Variants in KTN1 observed in about 807,000 individuals in gnomAD.
KTN1 encodes kinectin 1.
In KTN1, 130 loss-of-function variants were observed where a neutral mutation model predicts 222.5. That is an observed-to-expected ratio of 0.58 (90% confidence interval 0.51 to 0.68). The LOEUF (loss-of-function observed/expected upper bound fraction) is 0.68, where lower values mean the gene tolerates loss of function less well. Ranked by LOEUF, KTN1 falls within the 30% of genes least tolerant of loss-of-function variation. KTN1 has a pLI of 0.00. For synonymous variants in KTN1, 512 were observed against 496.3 expected (o/e 1.03, Z -0.42); for missense variants, 1,508 against 1,500.4 (o/e 1.01, Z -0.08).
chr14:55,653,700 A>C, intron 28 of KTN1, 104 bp downstream of exon 28: 1 of 787,722 alleles, frequency 1.3e-6, no homozygotes, highest in Admixed American at 2.3e-5. Context: ...CATTAACTTT[A>C]TTGTTAAGTG....
chr14:55,585,783 G>A (rs1225820551), intron 1 of KTN1, among the ~76,000 whole-genome samples: 1 of 152,200 alleles, frequency 6.6e-6, no homozygotes, highest in Non-Finnish European at 1.5e-5. Flanking sequence ...TTTTTACAAA[G>A]GAGGAGAATG....
intron 43 of KTN1, chr14:55,681,651 CT>C (rs2141432682): frequency 6.6e-6 from 1 of 152,266 alleles, no homozygotes; most frequent in African/African-American, 2.4e-5. Context: ...GCACAACATT[CT>C]TTTGTCAGCT....
In KTN1 at chr14:55,659,668, ATCT is replaced by A. The variant is rs2043898761; in HGVS notation, c.2969_2971del (p.Ser990del). 6.7e-7 allele frequency: 1 copy of A among 1,499,906 alleles called. No individual in the cohort carries two copies. The allele number at this position is 1,499,906 out of a possible 1,614,324, so 92.9% of individuals were successfully genotyped here. On this transcript the variant is annotated inframe_deletion, in exon 31 of 44. Transcript: ENST00000395314. Reference sequence around the variant, plus strand: ...ATAACATTTAACTCTTTTGATAGGCATCTTCTTTTCCCCCTCATGAAGAATTAT... The same window carrying A: ...ATAACATTTAACTCTTTTGATAGGCATCTTTTCCCCCTCATGAAGAATTAT...
At chr14:55,594,297 C>G (rs1594737427) in intron 1 of KTN1, among the ~76,000 whole-genome samples, 1 of 152,042 alleles carries the variant, frequency 6.6e-6, no homozygotes, top group East Asian at 1.9e-4. Context: ...TTCCTTTGCA[C>G]AAATCTTTTA....
chr14:55,581,373 C>T (rs1015395488), intron 1 of KTN1, among the ~76,000 whole-genome samples: 2 of 152,180 alleles, frequency 1.3e-5, no homozygotes, highest in Non-Finnish European at 2.9e-5. Context: ...ACTGTGTTGG[C>T]AAACGGATTC....
At chr14:55,612,923 A>C (rs534535679) in intron 2 of KTN1, among the ~76,000 whole-genome samples, 189 of 151,976 alleles carry the variant, frequency 1.2e-3, no homozygotes, top group African/African-American at 4.4e-3. Flanking sequence ...AACCCCATAC[A>C]TCTTATAAAT....
At chr14:55,671,242 C>T in intron 35 of KTN1, 1 of 290,928 alleles carries the variant, frequency 3.4e-6, no homozygotes, top group Non-Finnish European at 6.3e-6. Flanking sequence ...TTTCTTGTAT[C>T]TCAAGTGGCA....
rs201246992 is a variant in KTN1 at position 55,648,146 on chromosome 14, T to C, written c.2298+31T>C. The C allele has an allele frequency of 1.8e-4, 217 of 1,187,080 alleles. 2 individuals are homozygous for C. In the Middle Eastern group the frequency reaches 2.9e-3, roughly 16 times the overall value. 73.5% of individuals were successfully genotyped at this position (1,187,080 alleles called of 1,614,324 possible). A position where few individuals can be genotyped will look rare whatever the true frequency, so the allele number is the denominator to read the frequency against. On this transcript the variant is annotated intron_variant, in intron 20 of 43. Transcript: ENST00000395314. ...GCATTTTGTAGTTTTGTTTTCCTTG[T>C]GATTATTCAGTGACATAAAAGGATT...
At position 55,641,122 on chromosome 14, in the gene KTN1, CAT is replaced by C. The variant is rs1286287362; in HGVS notation, c.2022-3_2022-2del. 10 of 1,568,436 alleles carry C rather than the reference CAT, an allele frequency of 6.4e-6. No individual in the cohort carries two copies. Among genetic ancestry groups the C allele is most frequent in the African/African-American group, 1.4e-5 (1 of 72,750 alleles). ...GTATTTTAATTTTTTTTTTCACCCT[CAT>C]AGTGTTTATGTTAAAGATGATAAAA... On this transcript the variant is annotated splice_region_variant and splice_polypyrimidine_tract_variant and intron_variant, in intron 16 of 43. Transcript: ENST00000395314.
chr14:55,649,404 G>T (rs780651170), intron 21 of KTN1, among the ~76,000 whole-genome samples: 33 of 152,152 alleles, frequency 2.2e-4, no homozygotes, highest in Non-Finnish European at 3.2e-4. Context: ...GGGTGCCATT[G>T]CCTCTTACTA....
intron 43 of KTN1, chr14:55,682,739 T>G (rs1299880319): frequency 6.6e-6 from 1 of 152,224 alleles, no homozygotes; most frequent in East Asian, 1.9e-4. Context: ...GGGGTTTAAA[T>G]CAAGGTAATT....
chr14:55,680,839 T>C, intron 43 of KTN1: 1 of 579,644 alleles, frequency 1.7e-6, no homozygotes, highest in South Asian at 1.6e-5. Flanking sequence ...TCTTTTATCC[T>C]TGGTAAGCTG....
chr14:55,606,229 G>A lies in KTN1; in HGVS notation c.-30-5790G>A, dbSNP rs933789290. ...CTCTTATAGGCTACTCTGGAAGCCTGTATATCTTAAAGGTGTATTCATTTA... is the reference window on the plus strand; with the variant it reads ...CTCTTATAGGCTACTCTGGAAGCCTATATATCTTAAAGGTGTATTCATTTA... On this transcript the variant is annotated intron_variant, in intron 1 of 43. Transcript: ENST00000395314. Among the ~76,000 whole-genome samples, 17 of 152,250 alleles carry A rather than the reference G, an allele frequency of 1.1e-4. No homozygotes were observed. In the East Asian group the frequency reaches 3.3e-3, roughly 29 times the overall value.
At chr14:55,580,754 G>A (rs77053821) in intron 1 of KTN1, among the ~76,000 whole-genome samples, 7 of 152,232 alleles carry the variant, frequency 4.6e-5, no homozygotes, top group Non-Finnish European at 7.4e-5. Flanking sequence ...GAGGGCCCCC[G>A]GGAGGGAAGG....
chr14:55,676,114 A>T (rs2045873006), intron 41 of KTN1, among the ~76,000 whole-genome samples, 196 bp downstream of exon 41: 1 of 152,162 alleles, frequency 6.6e-6, no homozygotes. Context: ...TTCTTAATTC[A>T]CCTCATTATT....
At chr14:55,599,535 G>A (rs758704048) in intron 1 of KTN1, among the ~76,000 whole-genome samples, 2 of 151,932 alleles carry the variant, frequency 1.3e-5, no homozygotes, top group South Asian at 4.2e-4. Flanking sequence ...CGCAATCTTG[G>A]CTCACTGCCA....
At chr14:55,676,206 A>G (rs1192296303) in intron 41 of KTN1, among the ~76,000 whole-genome samples, 2 of 152,140 alleles carry the variant, frequency 1.3e-5, no homozygotes, top group Non-Finnish European at 2.9e-5. Context: ...CTGCATCCAT[A>G]TATTTTTTAA....
intron 5 of KTN1, among the ~76,000 whole-genome samples, chr14:55,622,734 C>T (rs1033670166): frequency 6.6e-6 from 1 of 152,146 alleles, no homozygotes; most frequent in African/African-American, 2.4e-5. Flanking sequence ...TCTGCTTTTC[C>T]TCTTAGTCCT....
Position 55,645,570 on chromosome 14 carries a change from A to G in KTN1, c.2173-1403A>G, listed in dbSNP as rs547796041. Among the ~76,000 whole-genome samples the G allele has an allele frequency of 2.0e-5, 3 of 152,298 alleles. No homozygotes were observed. In the South Asian group the frequency reaches 6.2e-4, roughly 32 times the overall value. On this transcript the variant is annotated intron_variant, in intron 18 of 43. Transcript: ENST00000395314. ...GAGATGGCATTCATTGAAAATATAG[A>G]TGGACAAAAGCCATCTTCATGAATG... is the stretch of plus-strand genomic sequence containing the variant.
Sources: gnomAD v4.1 joint callset for allele counts (sites outside exome capture counted in the v4.1 genomes callset) on GRCh38, gnomAD v4.1.1 for gene constraint, MANE v1.5 for transcripts, NCBI Gene and HGNC (gene_info 2026-07-23, HGNC 2026-07-21) for gene names.